UGT1A4: variants seen among roughly 807,000 people sequenced by gnomAD.
UGT1A4 encodes the protein UDP glucuronosyltransferase family 1 member A4.
Under a neutral mutation model 41.1 loss-of-function variants are expected in UGT1A4, and 32 were observed. That is an observed-to-expected ratio of 0.78 (90% CI 0.59 to 1.05). The LOEUF (loss-of-function observed/expected upper bound fraction) is 1.05, where lower values mean the gene tolerates loss of function less well. Among genes scored for constraint, UGT1A4 ranks in the 50% least tolerant of loss-of-function variants. The pLI, the probability that UGT1A4 is intolerant of heterozygous loss-of-function variation, is 0.00. For synonymous variants in UGT1A4, 283 were observed against 265.1 expected (o/e 1.07, Z -0.66); for missense variants, 748 against 677.4 (o/e 1.10, Z -1.16).
At chr2:233,737,362 C>G (rs1215274347) in intron 1 of UGT1A4, among the ~76,000 whole-genome samples, 2 of 152,208 alleles carry the variant, frequency 1.3e-5, no homozygotes, top group East Asian at 3.9e-4. Context: ...AGCTGCTAAG[C>G]CAGGCAGGGG....
chr2:233,759,159 A>G (rs1697070842), intron 1 of UGT1A4, among the ~76,000 whole-genome samples: 1 of 152,222 alleles, frequency 6.6e-6, no homozygotes, highest in Admixed American at 6.5e-5. Context: ...CACAGAACAC[A>G]AGGCAGGCAG....
chr2:233,749,872 A>G (rs1694289871), intron 1 of UGT1A4, among the ~76,000 whole-genome samples: 1 of 151,942 alleles, frequency 6.6e-6, no homozygotes, highest in South Asian at 2.1e-4. Context: ...TGCCAGGATT[A>G]TAAGTTTCCT....
intron 1 of UGT1A4, among the ~76,000 whole-genome samples, chr2:233,757,535 A>AATGTATATATATATATATATATAT (rs1696552153): frequency 1.1e-5 from 1 of 88,312 alleles, no homozygotes; most frequent in Non-Finnish European, 2.2e-5. Context: ...GCCTGTAAGG[A>AATGTATATATATATATATATATAT]ATATATATAT....
intron 1 of UGT1A4, chr2:233,743,989 C>T: frequency 7.9e-7 from 1 of 1,273,692 alleles, no homozygotes; most frequent in South Asian, 1.3e-5. Context: ...AGGCGCAGGC[C>T]CGAGTGCTCG....
At chr2:233,726,497 T>C (rs1473175630) in intron 1 of UGT1A4, among the ~76,000 whole-genome samples, 2 of 152,348 alleles carry the variant, frequency 1.3e-5, no homozygotes, top group East Asian at 3.9e-4. Flanking sequence ...CTTATTAATT[T>C]TGGAATTTCA....
intron 4 of UGT1A4, among the ~76,000 whole-genome samples, chr2:233,768,835 C>T (rs968956061): frequency 7.9e-5 from 12 of 152,116 alleles, no homozygotes; most frequent in African/African-American, 2.6e-4. Flanking sequence ...CCACCTGCCT[C>T]GGCCTGCCAA....
chr2:233,735,863 T>C (rs1339827457), intron 1 of UGT1A4, among the ~76,000 whole-genome samples: 2 of 151,778 alleles, frequency 1.3e-5, no homozygotes, highest in Non-Finnish European at 2.9e-5. Context: ...CTTGTAGGGT[T>C]TCTGCAGAGA....
intron 1 of UGT1A4, among the ~76,000 whole-genome samples, chr2:233,746,568 A>G (rs1299748110): frequency 6.6e-6 from 1 of 151,704 alleles, no homozygotes; most frequent in Non-Finnish European, 1.5e-5. Flanking sequence ...AGAGCACCAC[A>G]CCCTGTAATT....
chr2:233,724,196 G>C (rs2125699234), intron 1 of UGT1A4, among the ~76,000 whole-genome samples: 1 of 131,752 alleles, frequency 7.6e-6, no homozygotes, highest in Admixed American at 7.2e-5. Context: ...CGGGGTGGCT[G>C]GCCGGGCTGA....
At chr2:233,743,935 C>T (rs761038539) in intron 1 of UGT1A4, 2 of 1,356,896 alleles carry the variant, frequency 1.5e-6, no homozygotes, top group African/African-American at 1.5e-5. Flanking sequence ...GCCAGAACGG[C>T]CCACCAGGCA....
intron 1 of UGT1A4, among the ~76,000 whole-genome samples, chr2:233,756,569 C>G (rs1206188588): frequency 6.6e-6 from 1 of 152,130 alleles, no homozygotes; most frequent in Non-Finnish European, 1.5e-5. Flanking sequence ...TCCTCTCAGA[C>G]AAAAGGAAAT....
intron 1 of UGT1A4, chr2:233,747,605 A>G: frequency 6.4e-7 from 1 of 1,574,152 alleles, no homozygotes; most frequent in Non-Finnish European, 8.7e-7. Context: ...GTGTGGAGCT[A>G]CTGCATAATG....
Position 233,719,331 on chromosome 2 carries a change from T to C in UGT1A4, c.511T>C (p.Phe171Leu). 1 of 1,613,868 alleles carries C rather than the reference T, an allele frequency of 6.2e-7. No individual in the cohort carries two copies. Among genetic ancestry groups the C allele is most frequent in the Non-Finnish European group, 8.5e-7 (1 of 1,179,836 alleles). The change falls in exon 1 of 5, where the codon TTT (phenylalanine) becomes CTT (leucine). Residue 171 changes from phenylalanine (F) to leucine (L), a missense_variant. Transcript: ENST00000373409. ...TAAGTACCTGTCGATTCCTGCTGTG[T>C]TTTTTTGGAGGTACATTCCATGTGA... ...LAKYLSIPAV[F>L]FWRYIPCDLD... is the part of the protein sequence containing the mutation.
intron 1 of UGT1A4, among the ~76,000 whole-genome samples, chr2:233,734,727 CG>C (rs2078556253): frequency 6.6e-6 from 1 of 150,514 alleles, no homozygotes; most frequent in East Asian, 2.0e-4. Context: ...TTGTTCTCGT[CG>C]GTTTCAAAGA....
intron 1 of UGT1A4, chr2:233,742,993 T>G: frequency 4.3e-6 from 1 of 231,186 alleles, no homozygotes; most frequent in Admixed American, 5.2e-5. Flanking sequence ...AATAGCAAAT[T>G]GCATACAGAT....
At chr2:233,747,140 A>G (rs1693571344) in intron 1 of UGT1A4, 1 of 1,552,350 alleles carries the variant, frequency 6.4e-7, no homozygotes, top group Admixed American at 1.8e-5. Context: ...GTGACAAGGT[A>G]ATTAAGATGA....
chr2:233,766,514 T>C (rs1164692574), intron 1 of UGT1A4, among the ~76,000 whole-genome samples: 2 of 152,060 alleles, frequency 1.3e-5, no homozygotes, highest in South Asian at 2.1e-4. Flanking sequence ...TTTTGGGAAA[T>C]GAAACATTTA....
chr2:233,752,638 G>C (rs1306157736), intron 1 of UGT1A4: 1 of 152,130 alleles, frequency 6.6e-6, no homozygotes, highest in Non-Finnish European at 1.5e-5. Context: ...TGTTGTCTTA[G>C]TTACTGGGAA....
At chr2:233,735,837 C>T (rs2078701654) in intron 1 of UGT1A4, among the ~76,000 whole-genome samples, 1 of 151,994 alleles carries the variant, frequency 6.6e-6, no homozygotes, top group South Asian at 2.1e-4. Flanking sequence ...GAATATTGGC[C>T]CCCACTCTCT....
Sources: allele counts gnomAD v4.1 joint callset (sites outside exome capture counted in the v4.1 genomes callset), GRCh38; gene constraint gnomAD v4.1.1; transcripts MANE v1.5; gene names NCBI Gene and HGNC (gene_info 2026-07-23, HGNC 2026-07-21).